FOXRED2: variants seen among roughly 807,000 people sequenced by gnomAD.
FOXRED2 encodes the protein FAD-dependent oxidoreductase domain-containing protein 2.
A neutral mutation model predicts 52.5 loss-of-function variants in FOXRED2; 32 were observed. The ratio of observed to expected loss-of-function variants is 0.61; its 90% CI spans 0.46 to 0.82. The LOEUF is 0.82. Among genes scored for constraint, FOXRED2 ranks in the 40% least tolerant of loss-of-function variants. The pLI, the probability that FOXRED2 is intolerant of heterozygous loss-of-function variation, is 0.00. For synonymous variants in FOXRED2, 405 were observed against 398.1 expected (o/e 1.02, Z -0.21); for missense variants, 848 against 937.5 (o/e 0.90, Z 1.25).
rs145453828 is a variant in FOXRED2, at chr22:36,493,123, G to A, written c.1795+510C>T. On this transcript the variant is annotated intron_variant, in intron 8 of 8. Coordinates refer to ENST00000397224, the MANE Select transcript of FOXRED2 (RefSeq NM_001102371.2). ...CCTGGCCCTGGCGCCTTCCCATGGC[G>A]CCTGGCCCTGCTAATCCTTTTGAAA... 1.8e-3 allele frequency among the ~76,000 whole-genome samples: 278 copies of A among 152,282 alleles called. 1 individual carries two copies. The highest frequency in any genetic ancestry group is 6.1e-3 in the African/African-American group (254 of 41,570).
chr22:36,500,960 G>A (rs1347184725), intron 5 of FOXRED2, among the ~76,000 whole-genome samples: 2 of 151,946 alleles, frequency 1.3e-5, no homozygotes, highest in East Asian at 3.9e-4. Flanking sequence ...TATCATCATG[G>A]CTCACTGCAA....
chr22:36,504,227 G>T lies in FOXRED2; in HGVS notation c.920C>A (p.Ala307Asp). ...GGAGTCGGCACTCTGGTTGGTGTTGGCTTCTTCCAGGAAGAATTTCGGGGT... is the reference window on the plus strand; with the variant it reads ...GGAGTCGGCACTCTGGTTGGTGTTGTCTTCTTCCAGGAAGAATTTCGGGGT... ...HVTPKFFLEE[A>D]NTNQSADSIT... The change falls in exon 4 of 9, where the codon GCC (alanine) becomes GAC (aspartate). Residue 307 changes from alanine (A) to aspartate (D), a missense_variant. Transcript: ENST00000397224. 8 of 1,614,196 alleles carry T rather than the reference G, an allele frequency of 5.0e-6. No homozygotes were observed. The highest frequency in any genetic ancestry group is 6.8e-6 in the Non-Finnish European group (8 of 1,180,026).
chr22:36,499,949 C>T (rs868497620), intron 5 of FOXRED2, among the ~76,000 whole-genome samples: 12 of 152,076 alleles, frequency 7.9e-5, no homozygotes, highest in Non-Finnish European at 5.9e-5. Context: ...TTACAGGCGC[C>T]CGCCACCATG....
At chr22:36,497,110 G>A (rs912891980) in intron 6 of FOXRED2, among the ~76,000 whole-genome samples, 5 of 152,116 alleles carry the variant, frequency 3.3e-5, no homozygotes, top group Admixed American at 6.5e-5. Flanking sequence ...AACCTGGGAG[G>A]TGGGCTGCAG....
chr22:36,504,462 T>C (rs1212665613), intron 3 of FOXRED2, 53 bp downstream of exon 3: 6 of 1,609,790 alleles, frequency 3.7e-6, no homozygotes, highest in Admixed American at 1.7e-5. Context: ...GGGGAGGCTC[T>C]TTCCACACTC....
intron 8 of FOXRED2, among the ~76,000 whole-genome samples, chr22:36,491,068 A>G (rs1351358777): frequency 6.6e-6 from 1 of 151,632 alleles, no homozygotes; most frequent in Non-Finnish European, 1.5e-5. Context: ...AGGCTGAGGC[A>G]GGAGAATCAC....
chr22:36,489,968 G>T lies in FOXRED2; in HGVS notation c.*40C>A. ...AGGGACTGACCATGGGCCTAGGTGG[G>T]GAGGCCTGGCCACTGTGCCCACAGC... On this transcript the variant is annotated 3_prime_UTR_variant, in exon 9 of 9. Coordinates refer to ENST00000397224, the MANE Select transcript of FOXRED2 (RefSeq NM_001102371.2). 1 of 1,514,062 alleles carries T rather than the reference G, an allele frequency of 6.6e-7. No homozygotes were observed. The highest frequency in any genetic ancestry group is 1.3e-5 in the South Asian group (1 of 75,812). The allele number at this position is 1,514,062 out of a possible 1,614,324, so 93.8% of individuals were successfully genotyped here. A position where few individuals can be genotyped will look rare whatever the true frequency, so the allele number is the denominator to read the frequency against.
chr22:36,490,493 C>T (rs1485420085), intron 8 of FOXRED2, among the ~76,000 whole-genome samples: 1 of 152,264 alleles, frequency 6.6e-6, no homozygotes, highest in Non-Finnish European at 1.5e-5. Flanking sequence ...GCTGCCTTGA[C>T]ACTCTGGAAG....
intron 5 of FOXRED2, among the ~76,000 whole-genome samples, chr22:36,499,975 A>G (rs1159874068): frequency 1.3e-5 from 2 of 151,894 alleles, no homozygotes; most frequent in African/African-American, 4.8e-5. Flanking sequence ...CTAATTTTGT[A>G]TTTTAAGTAG....
At chr22:36,502,376 G>C (rs976633253) in intron 4 of FOXRED2, among the ~76,000 whole-genome samples, 6 of 152,202 alleles carry the variant, frequency 3.9e-5, no homozygotes, top group African/African-American at 1.4e-4. Flanking sequence ...CGGCAGCAAT[G>C]TTTAAAATCT....
Position 36,490,133 on chromosome 22 carries a change from A to G in FOXRED2, c.1930T>C (p.Tyr644His), listed in dbSNP as rs1933714781. The part of the protein sequence containing the change: ...HRVESRLLRD[Y>H]APTGRRLEDS... The stretch of plus-strand genomic sequence containing the variant: ...TCCAGGCGCCTGCCTGTGGGGGCAT[A>G]GTCCCGCAGGAGCCTGCTCTCCACT... The change falls in exon 9 of 9, where the codon TAT (tyrosine) becomes CAT (histidine). Residue 644 changes from tyrosine (Y) to histidine (H), a missense_variant. Physicochemically the swap from Tyr to His is moderately conservative, Grantham distance 83. Transcript: ENST00000397224. 1 of 1,613,994 alleles carries G rather than the reference A, an allele frequency of 6.2e-7. No homozygotes were observed. The highest frequency in any genetic ancestry group is 8.5e-7 in the Non-Finnish European group (1 of 1,179,894).
At chr22:36,506,465 C>T (rs1156497702) in intron 1 of FOXRED2, 42 bp from the exon 2 acceptor site, 32 of 1,410,116 alleles carry the variant, frequency 2.3e-5, no homozygotes, top group South Asian at 1.9e-4. Context: ...CCCGGCCCGG[C>T]GGCTGGGAGA....
intron 5 of FOXRED2, among the ~76,000 whole-genome samples, chr22:36,500,583 AT>A (rs5845272): frequency 1.2e-3 from 162 of 136,722 alleles, no homozygotes; most frequent in Middle Eastern, 3.9e-3. Context: ...ATCCAATTAC[AT>A]TTTTTTTTTT....
chr22:36,494,727 C>A (rs1369917800), intron 7 of FOXRED2, among the ~76,000 whole-genome samples: 2 of 151,772 alleles, frequency 1.3e-5, no homozygotes, highest in African/African-American at 2.4e-5. Context: ...GCAGCCTCTG[C>A]CTCCTGGGTT....
intron 6 of FOXRED2, among the ~76,000 whole-genome samples, chr22:36,496,672 G>A (rs545885116): frequency 5.3e-5 from 8 of 152,316 alleles, no homozygotes; most frequent in African/African-American, 1.9e-4. Context: ...AGCAGAGCTG[G>A]GATCAGCATG....
At position 36,489,406 on chromosome 22, in the gene FOXRED2, AC is replaced by A. The variant is rs1933687492; in HGVS notation, c.*601del. 6.6e-6 allele frequency: 1 copy of A among 152,234 alleles called. No individual in the cohort carries two copies. Among genetic ancestry groups the A allele is most frequent in the African/African-American group, 2.4e-5 (1 of 41,442 alleles). The allele number at this position is 152,234 out of a possible 1,614,324, so 9.4% of individuals were successfully genotyped here. On this transcript the variant is annotated 3_prime_UTR_variant, in exon 9 of 9. Transcript: ENST00000397224. Reference sequence around the variant, plus strand: ...TCTTGGGCTCTGTAGCTAAGCCCAAACCCTGCTGAAAATGGGGCGGGGAGGT... The same window carrying A: ...TCTTGGGCTCTGTAGCTAAGCCCAAACCTGCTGAAAATGGGGCGGGGAGGT...
In FOXRED2 at chr22:36,505,933, TGAA is replaced by T. The variant is rs1356836312; in HGVS notation, c.487_489del (p.Phe163del). 15 of 1,613,928 alleles carry T rather than the reference TGAA, an allele frequency of 9.3e-6. No homozygotes were observed. The highest frequency in any genetic ancestry group is 1.7e-6 in the Non-Finnish European group (2 of 1,179,954). On this transcript the variant is annotated inframe_deletion, in exon 2 of 9. Coordinates refer to ENST00000397224, the MANE Select transcript of FOXRED2 (RefSeq NM_001102371.2). ...ACCTGGCCCTTCTGGTCAGTTAGGA[TGAA>T]GTAGTGGCCATTCCAGGCCTGTCGG...
intron 2 of FOXRED2, among the ~76,000 whole-genome samples, chr22:36,505,426 G>A (rs1321593088): frequency 6.6e-6 from 1 of 152,214 alleles, no homozygotes; most frequent in African/African-American, 2.4e-5. Context: ...TGGGGACTTG[G>A]ATCCTGCCGG....
intron 8 of FOXRED2, 96 bp downstream of exon 8, chr22:36,493,537 C>T: frequency 9.4e-7 from 1 of 1,067,010 alleles, no homozygotes; most frequent in Non-Finnish European, 1.4e-6. Flanking sequence ...TTTGGATTTC[C>T]AGATATGGGT....
Sources: gnomAD v4.1 joint callset for allele counts (sites outside exome capture counted in the v4.1 genomes callset) on GRCh38, gnomAD v4.1.1 for gene constraint, MANE v1.5 for transcripts, NCBI Gene and HGNC (gene_info 2026-07-23, HGNC 2026-07-21) for gene names.